PIAS1: variants seen among roughly 807,000 people sequenced by gnomAD.
PIAS1 encodes E3 SUMO-protein ligase PIAS1.
A neutral mutation model predicts 71.3 loss-of-function variants in PIAS1; 6 were observed. That is an observed-to-expected ratio of 0.08 (90% CI 0.05 to 0.17). The LOEUF (loss-of-function observed/expected upper bound fraction) is 0.17. Among genes scored for constraint, PIAS1 ranks in the 10% least tolerant of loss-of-function variants. The pLI is 1.00. For synonymous variants in PIAS1, 303 were observed against 292.9 expected (o/e 1.03, Z -0.35); for missense variants, 555 against 793.6 (o/e 0.70, Z 3.61).
At chr15:68,177,886 A>C (rs906834422) in intron 11 of PIAS1, among the ~76,000 whole-genome samples, 1 of 152,232 alleles carries the variant, frequency 6.6e-6, no homozygotes, top group Non-Finnish European at 1.5e-5. Context: ...GCCTGTTGCA[A>C]CTGAATAGAA....
At chr15:68,067,763 G>C (rs1343785481) in intron 1 of PIAS1, among the ~76,000 whole-genome samples, 1 of 152,090 alleles carries the variant, frequency 6.6e-6, no homozygotes, top group Non-Finnish European at 1.5e-5. Flanking sequence ...ATAGAAAAAT[G>C]TGTAACTTAT....
In PIAS1 at chr15:68,193,790, G is replaced by A; in HGVS notation, c.*5955G>A. On this transcript the variant is annotated 3_prime_UTR_variant, in exon 14 of 14. Transcript: ENST00000249636. ...GCTCCTTCCATGCTTGAAAGGGCCGGACTCACGGTAGTTAATAAAATCAAT... is the reference window on the plus strand; with the variant it reads ...GCTCCTTCCATGCTTGAAAGGGCCGAACTCACGGTAGTTAATAAAATCAAT... The A allele has an allele frequency of 2.1e-6, 1 of 472,220 alleles. No homozygotes were observed. The highest frequency in any genetic ancestry group is 3.0e-5 in the South Asian group (1 of 33,740). 29.3% of individuals were successfully genotyped at this position (472,220 alleles called of 1,614,324 possible). A position where few individuals can be genotyped will look rare whatever the true frequency, so the allele number is the denominator to read the frequency against.
chr15:68,056,657 T>TA (rs996704766), intron 1 of PIAS1, among the ~76,000 whole-genome samples: 3 of 152,230 alleles, frequency 2.0e-5, no homozygotes, highest in South Asian at 2.1e-4. Context: ...ATAGCGGCGT[T>TA]AAAAAAATTT....
rs1417991726 is a variant in PIAS1, at chr15:68,186,364, T to TA, written c.1663-1177dup. ...AAAAAATATTTTAAAATGTTAAAAA[T>TA]AGAGACTTACAGAATAAGGATATAA... On this transcript the variant is annotated intron_variant, in intron 13 of 13. Transcript: ENST00000249636. This position sits in a 1 kb window ranked among gnomAD's most constrained non-coding sequence, Gnocchi z 4.4. 3.3e-5 allele frequency among the ~76,000 whole-genome samples: 5 copies of TA among 152,212 alleles called. No individual in the cohort carries two copies. The highest frequency in any genetic ancestry group is 5.9e-5 in the Non-Finnish European group (4 of 68,044).
chr15:68,115,932 A>T (rs1402445415), intron 2 of PIAS1, among the ~76,000 whole-genome samples: 1 of 152,112 alleles, frequency 6.6e-6, no homozygotes, highest in African/African-American at 2.4e-5. Context: ...TTTATTTGCT[A>T]AAGTTTTATT....
intron 9 of PIAS1, among the ~76,000 whole-genome samples, chr15:68,175,369 A>G (rs1307245950): frequency 6.6e-6 from 1 of 152,210 alleles, no homozygotes; most frequent in Non-Finnish European, 1.5e-5. Context: ...ACTACTGTCT[A>G]TATACTACTC....
chr15:68,118,564 A>ACTC (rs2092585567), intron 2 of PIAS1, among the ~76,000 whole-genome samples: 1 of 149,758 alleles, frequency 6.7e-6, no homozygotes, highest in Non-Finnish European at 1.5e-5. Context: ...CTGGTCTCTA[A>ACTC]CTCCTCGCCT....
chr15:68,070,371 G>A (rs554511132), intron 1 of PIAS1, among the ~76,000 whole-genome samples: 152 of 152,338 alleles, frequency 1.0e-3, no homozygotes, highest in African/African-American at 3.5e-3. Flanking sequence ...GTTGTAGTTG[G>A]AAAATGAAAT....
Position 68,173,395 on chromosome 15 carries a change from T to C in PIAS1, c.1009-337T>C, listed in dbSNP as rs1006340165. Among the ~76,000 whole-genome samples the C allele has an allele frequency of 6.6e-6, 1 of 151,774 alleles. No homozygotes were observed. Among genetic ancestry groups the C allele is most frequent in the Non-Finnish European group, 1.5e-5 (1 of 67,930 alleles). ...AAAAAAAAAAAACTGGTGAAAGCACTCTCTCCAGAAAAATGCACACACGAA... is the reference window on the plus strand; with the variant it reads ...AAAAAAAAAAAACTGGTGAAAGCACCCTCTCCAGAAAAATGCACACACGAA... On this transcript the variant is annotated intron_variant, in intron 8 of 13. Transcript: ENST00000249636. This position sits in a 1 kb window ranked among gnomAD's most constrained non-coding sequence, Gnocchi z 4.3.
chr15:68,063,033 T>A (rs935507125), intron 1 of PIAS1, among the ~76,000 whole-genome samples: 4 of 151,970 alleles, frequency 2.6e-5, no homozygotes, highest in Admixed American at 6.6e-5. Context: ...CTGGTTTTTT[T>A]AAAAAAATAA....
At chr15:68,079,636 ATTATTTT>A (rs752315171) in intron 1 of PIAS1, among the ~76,000 whole-genome samples, 3 of 151,000 alleles carry the variant, frequency 2.0e-5, no homozygotes, top group Non-Finnish European at 4.4e-5. Flanking sequence ...GGCCTGGCTA[ATTATTTT>A]TTATTTTTTA....
rs1309309325 is a variant in PIAS1 at position 68,136,226 on chromosome 15, G to A, written c.470-5720G>A. 3.8e-5 allele frequency among the ~76,000 whole-genome samples: 2 copies of A among 52,748 alleles called. 1 individual carries two copies. Among genetic ancestry groups the A allele is most frequent in the African/African-American group, 8.1e-5 (2 of 24,828 alleles). 34.6% of individuals were successfully genotyped at this position (52,748 alleles called of 152,430 possible). ...GCGGCCGGGCAGAGGCTGCAATCTCGGCACTTTGGGAGGCCAAGGCAGGCG... is the reference window on the plus strand; with the variant it reads ...GCGGCCGGGCAGAGGCTGCAATCTCAGCACTTTGGGAGGCCAAGGCAGGCG... On this transcript the variant is annotated intron_variant, in intron 2 of 13. Coordinates refer to ENST00000249636, the MANE Select transcript of PIAS1 (RefSeq NM_016166.3).
intron 6 of PIAS1, among the ~76,000 whole-genome samples, chr15:68,152,899 C>CTTT (rs71287005): frequency 5.0e-4 from 61 of 121,936 alleles, no homozygotes; most frequent in African/African-American, 1.9e-3. Context: ...TTTGGCTTTT[C>CTTT]TTTTTTTTTT....
At chr15:68,140,988 C>T (rs1436199028) in intron 2 of PIAS1, among the ~76,000 whole-genome samples, 1 of 151,972 alleles carries the variant, frequency 6.6e-6, no homozygotes, top group Non-Finnish European at 1.5e-5. Flanking sequence ...ACTGAGGGCT[C>T]ATTAGTGAGC....
intron 8 of PIAS1, among the ~76,000 whole-genome samples, chr15:68,172,329 G>T (rs1010907788): frequency 7.2e-5 from 11 of 152,136 alleles, no homozygotes; most frequent in Non-Finnish European, 1.6e-4. Context: ...GACATTTGGG[G>T]TGGTTCCAAG....
chr15:68,138,247 C>T (rs1435437539), intron 2 of PIAS1, among the ~76,000 whole-genome samples: 1 of 152,090 alleles, frequency 6.6e-6, no homozygotes, highest in African/African-American at 2.4e-5. Context: ...GTTTTGTTTG[C>T]TCTGGGATCA....
At chr15:68,151,595 G>T (rs950372302) in intron 6 of PIAS1, among the ~76,000 whole-genome samples, 1 of 151,488 alleles carries the variant, frequency 6.6e-6, no homozygotes, top group African/African-American at 2.4e-5. Flanking sequence ...TGAGGCAGGC[G>T]GATCACTTGA....
rs372682982 is a variant in PIAS1 at position 68,142,345 on chromosome 15, G to A, written c.602+8G>A. 6.3e-7 allele frequency: 1 copy of A among 1,583,312 alleles called. No homozygotes were observed. Among genetic ancestry groups the A allele is most frequent in the African/African-American group, 1.3e-5 (1 of 74,360 alleles). On this transcript the variant is annotated splice_region_variant and intron_variant, in intron 4 of 13. Coordinates refer to ENST00000249636, the MANE Select transcript of PIAS1 (RefSeq NM_016166.3). ...AGTACAGGTCCAGTTAAGGTACAGT[G>A]CTGACTATAGGATATATTCAAAGTT... is the stretch of plus-strand genomic sequence containing the variant.
At chr15:68,114,307 TCTTTC>T (rs1241633378) in intron 2 of PIAS1, among the ~76,000 whole-genome samples, 2 of 152,102 alleles carry the variant, frequency 1.3e-5, no homozygotes, top group Non-Finnish European at 2.9e-5. Flanking sequence ...CATTAAGTAT[TCTTTC>T]CTTTAAAAAT....
Sources: gnomAD v4.1 joint callset for allele counts (sites outside exome capture counted in the v4.1 genomes callset) on GRCh38, gnomAD v4.1.1 for gene constraint, Gnocchi (gnomAD v3.1) non-coding constraint, MANE v1.5 for transcripts, NCBI Gene and HGNC (gene_info 2026-07-23, HGNC 2026-07-21) for gene names.